Variants in SYNE3 observed in about 807,000 individuals in gnomAD.
SYNE3 encodes nesprin-3.
SYNE3 carries 100 observed loss-of-function variants against 111.2 expected under a neutral mutation model. The observed-to-expected ratio is 0.90, with a 90% CI of 0.77 to 1.06. SYNE3 has a LOEUF of 1.06. Ranked by LOEUF, SYNE3 falls within the 50% of genes least tolerant of loss-of-function variation. SYNE3 has a pLI of 0.00. For missense variants in SYNE3, 1,160 were observed against 1,240.3 expected (o/e 0.94, Z 0.97); for synonymous variants, 547 against 533.9 (o/e 1.02, Z -0.34).
chr14:95,457,619 T>C (rs1887550392), intron 4 of SYNE3, among the ~76,000 whole-genome samples: 1 of 152,170 alleles, frequency 6.6e-6, no homozygotes, highest in African/African-American at 2.4e-5. Flanking sequence ...ATCCTAGGAA[T>C]GGCATTCAAG....
intron 6 of SYNE3, among the ~76,000 whole-genome samples, chr14:95,454,642 A>G (rs536843035): frequency 6.6e-6 from 1 of 152,246 alleles, no homozygotes; most frequent in East Asian, 1.9e-4. Flanking sequence ...CTCCCTACTA[A>G]AAATATTTTT....
chr14:95,449,257 T>A (rs1292055380), intron 8 of SYNE3, among the ~76,000 whole-genome samples: 1 of 151,512 alleles, frequency 6.6e-6, no homozygotes, highest in African/African-American at 2.4e-5. Flanking sequence ...TACAAAGCAG[T>A]TACGGTAATC....
intron 17 of SYNE3, among the ~76,000 whole-genome samples, chr14:95,424,320 A>G (rs1885319703): frequency 6.6e-6 from 1 of 151,656 alleles, no homozygotes; most frequent in African/African-American, 2.4e-5. Flanking sequence ...CATGAACCAC[A>G]GGCATGGGAG....
At chr14:95,489,246 C>T (rs1027977812) in intron 1 of SYNE3, among the ~76,000 whole-genome samples, 3 of 152,198 alleles carry the variant, frequency 2.0e-5, no homozygotes, top group Non-Finnish European at 4.4e-5. Context: ...TTTCTGAGCT[C>T]CCCAGCAGCA....
chr14:95,457,351 G>A lies in SYNE3; in HGVS notation c.628-13C>T, dbSNP rs1887529620. 2 of 1,611,834 alleles carry A rather than the reference G, an allele frequency of 1.2e-6. No homozygotes were observed. Among genetic ancestry groups the A allele is most frequent in the Admixed American group, 3.3e-5 (2 of 59,870 alleles). On this transcript the variant is annotated splice_polypyrimidine_tract_variant and intron_variant, in intron 4 of 17. Transcript: ENST00000682763. ...GATCTACACGCTTCTGTGGGAGGAG[G>A]AGAATCACCAGCCATGAGGGTCCCC...
intron 1 of SYNE3, among the ~76,000 whole-genome samples, chr14:95,514,958 G>A (rs915297213): frequency 3.9e-5 from 6 of 152,224 alleles, no homozygotes; most frequent in East Asian, 1.9e-4. Flanking sequence ...CAAAGCACCC[G>A]AGCAGGAGCC....
Position 95,466,697 on chromosome 14 carries a change from C to T in SYNE3, c.318-457G>A, listed in dbSNP as rs148461141. Among the ~76,000 whole-genome samples the T allele has an allele frequency of 1.4e-3, 207 of 152,308 alleles. 1 individual carries two copies. Among genetic ancestry groups the T allele is most frequent in the African/African-American group, 4.3e-3 (179 of 41,560 alleles). The stretch of plus-strand genomic sequence containing the variant: ...ACCCACTAATTTTAGGAGCAGACTG[C>T]GGTTGGGATGTGTCCAGTCACCTGC... On this transcript the variant is annotated intron_variant, in intron 3 of 17. Coordinates refer to ENST00000682763, the MANE Select transcript of SYNE3 (RefSeq NM_152592.6).
chr14:95,494,813 C>CA (rs1186214668), intron 1 of SYNE3, among the ~76,000 whole-genome samples: 3 of 151,718 alleles, frequency 2.0e-5, no homozygotes, highest in Non-Finnish European at 2.9e-5. Context: ...ACCTGCTCTT[C>CA]AAAAAAAAGG....
intron 8 of SYNE3, chr14:95,449,417 C>G (rs1886917454): frequency 2.0e-6 from 2 of 984,906 alleles, no homozygotes; most frequent in South Asian, 4.7e-5. Context: ...GCGGCTCCAT[C>G]CGGAGCCAGT....
chr14:95,510,335 G>T (rs1378368908), intron 1 of SYNE3, among the ~76,000 whole-genome samples: 3 of 152,136 alleles, frequency 2.0e-5, no homozygotes, highest in Non-Finnish European at 4.4e-5. Context: ...ACTGCCCAGG[G>T]GAGCATCCAT....
chr14:95,452,207 G>A (rs200531344), intron 7 of SYNE3, 40 bp downstream of exon 7: 2 of 1,507,596 alleles, frequency 1.3e-6, no homozygotes, highest in Non-Finnish European at 1.8e-6. Context: ...GTGGGTTCCA[G>A]CACACCCTGA....
chr14:95,423,577 T>G (rs1885261376), intron 17 of SYNE3, among the ~76,000 whole-genome samples: 1 of 8,020 alleles, frequency 1.2e-4, no homozygotes, highest in African/African-American at 5.3e-4. Flanking sequence ...GGGATGAGGA[T>G]TTGGTAGGCA....
At chr14:95,461,587 G>A (rs1887821383) in intron 4 of SYNE3, among the ~76,000 whole-genome samples, 1 of 152,192 alleles carries the variant, frequency 6.6e-6, no homozygotes, top group Non-Finnish European at 1.5e-5. Context: ...TAATTAACAT[G>A]ATGGACGTCA....
chr14:95,440,519 T>C (rs2139394598), intron 11 of SYNE3, among the ~76,000 whole-genome samples: 1 of 152,302 alleles, frequency 6.6e-6, no homozygotes, highest in South Asian at 2.1e-4. Flanking sequence ...AGTTGGAAAC[T>C]ATCCAAGTGC....
At chr14:95,489,597 T>C (rs1019584384) in intron 1 of SYNE3, among the ~76,000 whole-genome samples, 1 of 152,194 alleles carries the variant, frequency 6.6e-6, no homozygotes, top group Non-Finnish European at 1.5e-5. Flanking sequence ...TGGTGCTTAG[T>C]AGGTACTCAG....
At chr14:95,438,802 T>A in intron 14 of SYNE3, 1 of 520,452 alleles carries the variant, frequency 1.9e-6, no homozygotes, top group Non-Finnish European at 3.4e-6. Flanking sequence ...ATACCCCTAC[T>A]GCCCTGGTGG....
At chr14:95,447,153 A>ATTC (rs1886768456) in intron 8 of SYNE3, among the ~76,000 whole-genome samples, 43 of 125,854 alleles carry the variant, frequency 3.4e-4, no homozygotes, top group Admixed American at 1.2e-3. Context: ...TTTTTTTTTG[A>ATTC]GCTGGAGTCT....
At chr14:95,462,502 G>T (rs1887895585) in intron 4 of SYNE3, among the ~76,000 whole-genome samples, 1 of 152,150 alleles carries the variant, frequency 6.6e-6, no homozygotes. Context: ...CAACTCCAAG[G>T]GCTTCCACCA....
intron 17 of SYNE3, among the ~76,000 whole-genome samples, chr14:95,430,552 A>G (rs1340087082): frequency 6.6e-6 from 1 of 152,220 alleles, no homozygotes; most frequent in Non-Finnish European, 1.5e-5. Context: ...GGCTGGGTGC[A>G]GTGGCTCATG....
Sources: allele counts gnomAD v4.1 joint callset (sites outside exome capture counted in the v4.1 genomes callset), GRCh38; gene constraint gnomAD v4.1.1; transcripts MANE v1.5; gene names NCBI Gene and HGNC (gene_info 2026-07-23, HGNC 2026-07-21).